The following CDH18 variants were observed in gnomAD, a reference collection of about 807,000 sequenced individuals.
CDH18 encodes the protein cadherin 18.
Under a neutral mutation model 67.9 loss-of-function variants are expected in CDH18, and 31 were observed. That is an observed-to-expected ratio of 0.46 (90% CI 0.34 to 0.62). CDH18 has a LOEUF of 0.62. Ranked by LOEUF, CDH18 falls within the 20% of genes least tolerant of loss-of-function variation. The probability of loss-of-function intolerance (pLI) is 0.01; values close to 1 mark genes in which losing one functional copy is unlikely to be tolerated. For synonymous variants in CDH18, 362 were observed against 347.2 expected (o/e 1.04, Z -0.48); for missense variants, 890 against 975.5 (o/e 0.91, Z 1.17).
intron 3 of CDH18, among the ~76,000 whole-genome samples, chr5:19,796,559 C>T (rs1274123690): frequency 1.3e-5 from 2 of 151,988 alleles, no homozygotes; most frequent in African/African-American, 2.4e-5. Context: ...ATCAGACATA[C>T]CTTATTGGTT....
In CDH18 at chr5:20,518,201, G is replaced by A. The variant is rs781254913; in HGVS notation, c.-580+57261C>T. Among the ~76,000 whole-genome samples, 36 of 152,018 alleles carry A rather than the reference G, an allele frequency of 2.4e-4. 1 individual carries two copies. Among genetic ancestry groups the A allele is most frequent in the Admixed American group, 5.3e-4 (8 of 15,230 alleles). Reference sequence around the variant, plus strand: ...ATGAGACAATATCTGTCACAAGGCCGTAATTAATTTTTGCCTGAAGTTCAG... The same window carrying A: ...ATGAGACAATATCTGTCACAAGGCCATAATTAATTTTTGCCTGAAGTTCAG... On this transcript the variant is annotated intron_variant, in intron 1 of 14. Transcript: ENST00000507958.
chr5:19,672,805 G>T (rs1758933054), intron 5 of CDH18, among the ~76,000 whole-genome samples: 1 of 151,976 alleles, frequency 6.6e-6, no homozygotes, highest in Non-Finnish European at 1.5e-5. Flanking sequence ...CAATTTTATT[G>T]TGATAGAAAT....
At chr5:20,295,482 G>A (rs541252905) in intron 1 of CDH18, among the ~76,000 whole-genome samples, 3 of 152,078 alleles carry the variant, frequency 2.0e-5, no homozygotes, top group Non-Finnish European at 2.9e-5. Flanking sequence ...TAGTCCCAGC[G>A]CTTTGGGAGG....
chr5:20,465,761 G>T (rs988754081), intron 1 of CDH18, among the ~76,000 whole-genome samples: 19 of 151,846 alleles, frequency 1.3e-4, no homozygotes, highest in African/African-American at 4.6e-4. Flanking sequence ...GAAACTATAA[G>T]GTTTGTAATA....
intron 2 of CDH18, among the ~76,000 whole-genome samples, chr5:20,078,258 T>TA (rs1291999896): frequency 6.6e-6 from 1 of 152,010 alleles, no homozygotes. Flanking sequence ...GGTCAGGAGT[T>TA]AGAGACCAGT....
intron 3 of CDH18, among the ~76,000 whole-genome samples, chr5:19,766,939 C>G (rs991419239): frequency 1.3e-5 from 2 of 152,046 alleles, no homozygotes; most frequent in East Asian, 1.9e-4. Flanking sequence ...CAACTTCACT[C>G]TCATTGAGGG....
At chr5:20,115,268 A>ATTTTTT (rs1202226544) in intron 2 of CDH18, among the ~76,000 whole-genome samples, 9 of 42,678 alleles carry the variant, frequency 2.1e-4, no homozygotes, top group Middle Eastern at 0.036. Flanking sequence ...TCAGGGCCTC[A>ATTTTTT]TCTTTTTTTT....
intron 1 of CDH18, among the ~76,000 whole-genome samples, chr5:20,563,876 A>G (rs1022245579): frequency 1.8e-4 from 28 of 152,138 alleles, no homozygotes; most frequent in African/African-American, 6.8e-4. Flanking sequence ...TCTGATCTTG[A>G]GGCTAACATT....
intron 2 of CDH18, among the ~76,000 whole-genome samples, chr5:19,994,732 TA>T (rs1735795447): frequency 8.0e-5 from 1 of 12,534 alleles, no homozygotes; most frequent in African/African-American, 3.4e-4. Flanking sequence ...TATATATATA[TA>T]TATATAGAGA....
intron 1 of CDH18, among the ~76,000 whole-genome samples, chr5:20,483,666 C>T (rs1023878056): frequency 1.4e-5 from 2 of 143,838 alleles, no homozygotes; most frequent in Non-Finnish European, 1.5e-5. Context: ...AAAAAAAAAA[C>T]ATACATTGGG....
At chr5:20,206,179 C>T (rs1049249602) in intron 2 of CDH18, among the ~76,000 whole-genome samples, 1 of 151,512 alleles carries the variant, frequency 6.6e-6, no homozygotes, top group Non-Finnish European at 1.5e-5. Flanking sequence ...CACAGAAATG[C>T]AAAAATCATT....
At chr5:19,586,470 G>T (rs2683643) in intron 7 of CDH18, among the ~76,000 whole-genome samples, 5,810 of 152,150 alleles carry the variant, frequency 0.038, 325 homozygotes, top group African/African-American at 0.12. Context: ...TTGGTTTTCT[G>T]TTCCCGCATT....
At chr5:20,446,669 T>C (rs1383501335) in intron 1 of CDH18, among the ~76,000 whole-genome samples, 1 of 152,250 alleles carries the variant, frequency 6.6e-6, no homozygotes, top group African/African-American at 2.4e-5. Context: ...CAAAGCACTT[T>C]ATTTCCTAAC....
intron 2 of CDH18, among the ~76,000 whole-genome samples, chr5:20,206,692 T>A (rs186824922): frequency 1.3e-5 from 2 of 151,986 alleles, no homozygotes; most frequent in African/African-American, 4.8e-5. Flanking sequence ...AAGAATGATT[T>A]AACCTACAAA....
At chr5:19,563,332 C>T (rs748997632) in intron 8 of CDH18, among the ~76,000 whole-genome samples, 2 of 152,122 alleles carry the variant, frequency 1.3e-5, no homozygotes, top group African/African-American at 4.8e-5. Flanking sequence ...GTTTCTTCAT[C>T]TATAGAATGG....
intron 3 of CDH18, chr5:19,804,119 T>TAAAA (rs1777773577): frequency 2.9e-5 from 3 of 103,172 alleles, no homozygotes; most frequent in South Asian, 2.7e-4. Context: ...AGACTTTGTC[T>TAAAA]CAAAAAAAAA....
chr5:19,493,054 T>C (rs1252571448), intron 11 of CDH18, among the ~76,000 whole-genome samples: 1 of 152,178 alleles, frequency 6.6e-6, no homozygotes, highest in Non-Finnish European at 1.5e-5. Flanking sequence ...CTGTCATCTC[T>C]ATGTTGTTTT....
chr5:20,425,324 T>C (rs1015488779), intron 1 of CDH18, among the ~76,000 whole-genome samples: 3 of 150,614 alleles, frequency 2.0e-5, no homozygotes, highest in South Asian at 2.1e-4. Flanking sequence ...TAAGCCAAGA[T>C]TGCGCGATTG....
chr5:19,480,127 A>T (rs974649551), intron 12 of CDH18, among the ~76,000 whole-genome samples: 8 of 151,984 alleles, frequency 5.3e-5, no homozygotes, highest in Middle Eastern at 3.2e-3. Context: ...TAAGAGATCG[A>T]CTTTTAAGAG....
Sources: gnomAD v4.1 joint callset for allele counts (sites outside exome capture counted in the v4.1 genomes callset) on GRCh38, gnomAD v4.1.1 for gene constraint, MANE v1.5 for transcripts, NCBI Gene and HGNC (gene_info 2026-07-23, HGNC 2026-07-21) for gene names.